The following PAX2 variants were observed in gnomAD, a reference collection of about 807,000 sequenced individuals.
PAX2 encodes paired box protein Pax-2.
A neutral mutation model predicts 41.7 loss-of-function variants in PAX2; 9 were observed. That is an observed-to-expected ratio of 0.22 (90% CI 0.13 to 0.38). The LOEUF is 0.38. Ranked by LOEUF, PAX2 falls within the 10% of genes least tolerant of loss-of-function variation. The probability of loss-of-function intolerance (pLI) is 1.00; values close to 1 mark genes in which losing one functional copy is unlikely to be tolerated. For synonymous variants in PAX2, 221 were observed against 212.7 expected (o/e 1.04, Z -0.34); for missense variants, 418 against 531.6 (o/e 0.79, Z 2.10).
rs748280540 is a variant in PAX2 at position 100,824,604 on chromosome 10, C to T, written c.920-44C>T. On this transcript the variant is annotated intron_variant, in intron 7 of 9. Transcript: ENST00000355243. This position sits in a 1 kb window ranked among gnomAD's most constrained non-coding sequence, Gnocchi z 6.6. ...TACCCTGGTGTGAGTAGAGGCAGGC[C>T]CCTTTCTTCCAGGCCTCACCCCTTC... is the stretch of plus-strand genomic sequence containing the variant. The T allele has an allele frequency of 1.2e-5, 16 of 1,282,800 alleles. No homozygotes were observed. Among genetic ancestry groups the T allele is most frequent in the Non-Finnish European group, 1.1e-6 (1 of 877,010 alleles). The allele number at this position is 1,282,800 out of a possible 1,614,324, so 79.5% of individuals were successfully genotyped here. A position where few individuals can be genotyped will look rare whatever the true frequency, so the allele number is the denominator to read the frequency against.
chr10:100,796,005 C>T (rs530459619), intron 5 of PAX2, among the ~76,000 whole-genome samples: 14 of 152,272 alleles, frequency 9.2e-5, no homozygotes, highest in African/African-American at 2.9e-4. Context: ...TTTGTTGTCT[C>T]AGCTTGTTCT....
intron 3 of PAX2, among the ~76,000 whole-genome samples, chr10:100,763,042 C>T (rs1589827328): frequency 6.6e-6 from 1 of 152,196 alleles, no homozygotes; most frequent in East Asian, 1.9e-4. Flanking sequence ...GCTGGATCCA[C>T]CTTCTAATGG....
rs577368856 is a variant in PAX2, at chr10:100,754,584, C to T, written c.410+3693C>T. 2.0e-5 allele frequency among the ~76,000 whole-genome samples: 3 copies of T among 152,308 alleles called. No individual in the cohort carries two copies. In the South Asian group the frequency reaches 6.2e-4, roughly 32 times the overall value. On this transcript the variant is annotated intron_variant, in intron 3 of 9. Coordinates refer to ENST00000355243, the MANE Select transcript of PAX2 (RefSeq NM_000278.5). ...TCCATCCTGTATCATTTGGGTGTCC[C>T]TCTTCTGTCATTCTCAGGTCTTTGA...
Position 100,828,865 on chromosome 10 carries a change from A to C in PAX2, c.*1246A>C, listed in dbSNP as rs983336772. The C allele has an allele frequency of 3.9e-5, 9 of 231,746 alleles. No homozygotes were observed. Among genetic ancestry groups the C allele is most frequent in the African/African-American group, 2.0e-4 (9 of 45,250 alleles). 14.4% of individuals were successfully genotyped at this position (231,746 alleles called of 1,614,324 possible). On this transcript the variant is annotated 3_prime_UTR_variant, in exon 10 of 10. Coordinates refer to ENST00000355243, the MANE Select transcript of PAX2 (RefSeq NM_000278.5). This position sits in a 1 kb window ranked among gnomAD's most constrained non-coding sequence, Gnocchi z 6.5. ...GCCCACCAGGCTGCTGCTTTGTGGA[A>C]AGACGGTGTGTGTCGTGTGAAGGCG...
At chr10:100,749,405 C>G in intron 1 of PAX2, 1 of 1,139,040 alleles carries the variant, frequency 8.8e-7, no homozygotes, top group Non-Finnish European at 1.1e-6. Context: ...TCCTCGCTTT[C>G]TTACGCCCTT....
intron 6 of PAX2, among the ~76,000 whole-genome samples, chr10:100,807,726 C>T (rs962015125): frequency 1.2e-4 from 19 of 152,226 alleles, no homozygotes; most frequent in African/African-American, 4.3e-4. Flanking sequence ...ATCCCTGCTA[C>T]ACATGCAGCC....
At chr10:100,794,983 C>A (rs1460141097) in intron 5 of PAX2, among the ~76,000 whole-genome samples, 1 of 152,176 alleles carries the variant, frequency 6.6e-6, no homozygotes, top group African/African-American at 2.4e-5. Flanking sequence ...CATCATCCAA[C>A]TAGTTTTTTG....
Position 100,748,833 on chromosome 10 carries a change from G to C in PAX2, c.44-913G>C. ...GGTCAAAGGGACTCGAGTCGGGTTT[G>C]GGTCGGCTACACAGGGCGCCCCGAG... On this transcript the variant is annotated intron_variant, in intron 1 of 9. Coordinates refer to ENST00000355243, the MANE Select transcript of PAX2 (RefSeq NM_000278.5). This position sits in a 1 kb window ranked among gnomAD's most constrained non-coding sequence, Gnocchi z 5.0. The C allele has an allele frequency of 1.0e-6, 1 of 985,280 alleles. No individual in the cohort carries two copies. Among genetic ancestry groups the C allele is most frequent in the Non-Finnish European group, 1.2e-6 (1 of 829,960 alleles). The allele number at this position is 985,280 out of a possible 1,614,324, so 61.0% of individuals were successfully genotyped here.
chr10:100,758,696 C>T (rs1409504259), intron 3 of PAX2, among the ~76,000 whole-genome samples: 1 of 152,210 alleles, frequency 6.6e-6, no homozygotes, highest in Non-Finnish European at 1.5e-5. Context: ...TGCAGGAAGA[C>T]CGGATTTTAA....
At chr10:100,771,417 G>A (rs908040120) in intron 3 of PAX2, among the ~76,000 whole-genome samples, 3 of 152,226 alleles carry the variant, frequency 2.0e-5, no homozygotes, top group African/African-American at 7.2e-5. Flanking sequence ...CCAAACTGCA[G>A]CCAGAGGCTA....
In PAX2 at chr10:100,779,480, G is replaced by A; in HGVS notation, c.411-18G>A. The A allele has an allele frequency of 6.4e-7, 1 of 1,572,144 alleles. No homozygotes were observed. The highest frequency in any genetic ancestry group is 8.6e-7 in the Non-Finnish European group (1 of 1,156,802). On this transcript the variant is annotated intron_variant, in intron 3 of 9. Transcript: ENST00000355243. ...GAGTGGGCATTTGATGTGTGATGCT[G>A]TTGTGACGCTGTTGCAGAATCATCC... is the stretch of plus-strand genomic sequence containing the variant.
chr10:100,827,692 CGGAG>C lies in PAX2; in HGVS notation c.*83_*86del, dbSNP rs1848631376. 2 of 1,612,524 alleles carry C rather than the reference CGGAG, an allele frequency of 1.2e-6. No individual in the cohort carries two copies. The highest frequency in any genetic ancestry group is 1.9e-4 in the Middle Eastern group (1 of 5,368). On this transcript the variant is annotated 3_prime_UTR_variant, in exon 10 of 10. Transcript: ENST00000355243. This position sits in a 1 kb window ranked among gnomAD's most constrained non-coding sequence, Gnocchi z 8.5. ...ACATCGTCCCCGTCTGACCCCACCC[CGGAG>C]GGAGGGAGGACCGACGCGACGCGAT...
At chr10:100,769,164 G>A (rs776197197) in intron 3 of PAX2, among the ~76,000 whole-genome samples, 7 of 152,158 alleles carry the variant, frequency 4.6e-5, no homozygotes, top group Admixed American at 6.5e-5. Flanking sequence ...GTGACCTTCC[G>A]TAAGTTACCT....
rs1020559605 is a variant in PAX2 at position 100,828,426 on chromosome 10, G to T, written c.*807G>T. 2.1e-5 allele frequency: 5 copies of T among 234,020 alleles called. No homozygotes were observed. The highest frequency in any genetic ancestry group is 1.1e-4 in the African/African-American group (5 of 45,324). The allele number at this position is 234,020 out of a possible 1,614,324, so 14.5% of individuals were successfully genotyped here. On this transcript the variant is annotated 3_prime_UTR_variant, in exon 10 of 10. Transcript: ENST00000355243. The surrounding 1 kb of genome is among the most constrained non-coding windows in gnomAD (Gnocchi z 6.5). ...CTCCTGCTGCGAGACCCGGCTCTCA[G>T]CCCTGCCTTGCCCCTACCTCAGCGT...
Position 100,746,234 on chromosome 10 carries a change from G to A in PAX2, c.-27G>A. ...GAGAGGCGACACGGCGGCGGCGGCCGCGCTGCTCCCGCTCCTCTGCCTCCC... is the reference window on the plus strand; with the variant it reads ...GAGAGGCGACACGGCGGCGGCGGCCACGCTGCTCCCGCTCCTCTGCCTCCC... On this transcript the variant is annotated 5_prime_UTR_variant, in exon 1 of 10. Coordinates refer to ENST00000355243, the MANE Select transcript of PAX2 (RefSeq NM_000278.5). 2 of 1,613,026 alleles carry A rather than the reference G, an allele frequency of 1.2e-6. No individual in the cohort carries two copies. Among genetic ancestry groups the A allele is most frequent in the Non-Finnish European group, 1.7e-6 (2 of 1,179,680 alleles).
intron 6 of PAX2, among the ~76,000 whole-genome samples, chr10:100,808,016 C>A (rs1410117265): frequency 6.6e-6 from 1 of 152,184 alleles, no homozygotes; most frequent in East Asian, 1.9e-4. Context: ...GCTCAGTGCA[C>A]CCTCCCTGAG....
At chr10:100,789,871 G>A (rs187264642) in intron 5 of PAX2, among the ~76,000 whole-genome samples, 14 of 152,344 alleles carry the variant, frequency 9.2e-5, no homozygotes, top group Admixed American at 5.9e-4. Flanking sequence ...GTTGAATACT[G>A]ACTATGTCAT....
At chr10:100,788,226 A>G (rs566974117) in intron 5 of PAX2, among the ~76,000 whole-genome samples, 51 of 152,246 alleles carry the variant, frequency 3.3e-4, no homozygotes, top group African/African-American at 1.2e-3. Context: ...AGATAGATAA[A>G]CCAATTACCT....
chr10:100,799,007 G>A (rs1013755169), intron 5 of PAX2, among the ~76,000 whole-genome samples: 4 of 152,280 alleles, frequency 2.6e-5, no homozygotes, highest in African/African-American at 9.6e-5. Flanking sequence ...CTACCGAGGA[G>A]AACAATTGAG....
Sources: gnomAD v4.1 joint callset for allele counts (sites outside exome capture counted in the v4.1 genomes callset) on GRCh38, gnomAD v4.1.1 for gene constraint, Gnocchi (gnomAD v3.1) non-coding constraint, MANE v1.5 for transcripts, NCBI Gene and HGNC (gene_info 2026-07-23, HGNC 2026-07-21) for gene names.